The following NXPE3 variants were observed in gnomAD, a reference collection of about 807,000 sequenced individuals.
NXPE3 encodes neurexophilin and PC-esterase domain family member 3, also known as NXPE family member 3.
A neutral mutation model predicts 46.1 loss-of-function variants in NXPE3; 26 were observed. The ratio of observed to expected loss-of-function variants is 0.56; its 90% CI spans 0.41 to 0.78. NXPE3 has a LOEUF of 0.78. Ranked by LOEUF, NXPE3 falls within the 30% of genes least tolerant of loss-of-function variation. The pLI is 0.00. For missense variants in NXPE3, 620 were observed against 686.0 expected, an observed-to-expected ratio of 0.90 and a Z score of 1.07; for synonymous variants, 272 against 257.9, an observed-to-expected ratio of 1.05 and a Z score of -0.52.
At chr3:101,818,712 AATTTATATAT>A (rs1560067014) in intron 7 of NXPE3, among the ~76,000 whole-genome samples, 1 of 45,878 alleles carries the variant, frequency 2.2e-5, no homozygotes, top group African/African-American at 7.2e-5. Context: ...AATATATGAC[AATTTATATAT>A]ATATATATAT....
At chr3:101,803,460 T>C (rs777776859) in intron 5 of NXPE3, among the ~76,000 whole-genome samples, 2 of 152,230 alleles carry the variant, frequency 1.3e-5, no homozygotes, top group Non-Finnish European at 2.9e-5. Context: ...AAATTAAATT[T>C]CACAACTCCT....
intron 4 of NXPE3, among the ~76,000 whole-genome samples, chr3:101,795,387 G>A (rs563709834): frequency 1.4e-4 from 21 of 152,110 alleles, no homozygotes; most frequent in Non-Finnish European, 2.2e-4. Context: ...GCGTGGTAGC[G>A]GGTGCCTATA....
rs1057258132 is a variant in NXPE3 at position 101,825,067 on chromosome 3, A to G, written c.*3113A>G. 2.0e-5 allele frequency: 3 copies of G among 152,158 alleles called. No individual in the cohort carries two copies. Among genetic ancestry groups the G allele is most frequent in the African/African-American group, 4.8e-5 (2 of 41,434 alleles). 9.4% of individuals were successfully genotyped at this position (152,158 alleles called of 1,614,324 possible). A position where few individuals can be genotyped will look rare whatever the true frequency, so the allele number is the denominator to read the frequency against. On this transcript the variant is annotated 3_prime_UTR_variant, in exon 8 of 8. Transcript: ENST00000273347. ...TTTGTTTCATAGGTAAACTTACGTC[A>G]TGGGGGTTTGTTGTATAGATGATTT...
intron 4 of NXPE3, among the ~76,000 whole-genome samples, chr3:101,789,407 G>A (rs781412125): frequency 6.6e-6 from 1 of 152,070 alleles, no homozygotes; most frequent in Non-Finnish European, 1.5e-5. Context: ...TTAGGTGAGT[G>A]TAGTGGTGTG....
chr3:101,819,354 C>T (rs1057109360), intron 7 of NXPE3, among the ~76,000 whole-genome samples: 4 of 152,156 alleles, frequency 2.6e-5, no homozygotes, highest in African/African-American at 7.2e-5. Flanking sequence ...GCCACTGATT[C>T]CTGGGACCTT....
intron 5 of NXPE3, among the ~76,000 whole-genome samples, chr3:101,802,372 C>G (rs1444384304): frequency 6.6e-6 from 1 of 152,016 alleles, no homozygotes; most frequent in African/African-American, 2.4e-5. Context: ...AATCCCAGCA[C>G]TTTGGGAGGC....
At chr3:101,783,588 C>T (rs889231614) in intron 3 of NXPE3, among the ~76,000 whole-genome samples, 7 of 152,160 alleles carry the variant, frequency 4.6e-5, no homozygotes, top group Non-Finnish European at 8.8e-5. Context: ...GTCTCCTGCC[C>T]TTGCCTTCTT....
In NXPE3 at chr3:101,812,859, A is replaced by G. The variant is rs116655873; in HGVS notation, c.923-3936A>G. 9.3e-3 allele frequency among the ~76,000 whole-genome samples: 1,372 copies of G among 146,818 alleles called. 20 individuals are homozygous for G. The highest frequency in any genetic ancestry group is 0.033 in the African/African-American group (1,307 of 39,746). The stretch of plus-strand genomic sequence containing the variant: ...AAAAAAAAAGATATTTGGACTAGCT[A>G]CTCTCTAAGGTCCCATTCAACAGTC... On this transcript the variant is annotated intron_variant, in intron 6 of 7. Coordinates refer to ENST00000273347, the MANE Select transcript of NXPE3 (RefSeq NM_145037.4).
At chr3:101,809,531 T>C (rs1941613459) in intron 6 of NXPE3, among the ~76,000 whole-genome samples, 1 of 152,238 alleles carries the variant, frequency 6.6e-6, no homozygotes, top group Admixed American at 6.5e-5. Context: ...GTGGCAATGA[T>C]TTCTGTGGAA....
rs1942471285 is a variant in NXPE3 at position 101,825,939 on chromosome 3, A to G, written c.*3985A>G. The stretch of plus-strand genomic sequence containing the variant: ...TTCTATGCAAGTTACATTTTATAGA[A>G]TTATCCTACTAAAAGTAACCTTTCT... On this transcript the variant is annotated 3_prime_UTR_variant, in exon 8 of 8. Transcript: ENST00000273347. The G allele has an allele frequency of 6.6e-6, 1 of 152,234 alleles. No individual in the cohort carries two copies. The highest frequency in any genetic ancestry group is 2.1e-4 in the South Asian group (1 of 4,832). The allele number at this position is 152,234 out of a possible 1,614,324, so 9.4% of individuals were successfully genotyped here.
intron 5 of NXPE3, among the ~76,000 whole-genome samples, chr3:101,805,884 T>C (rs1460220559): frequency 2.6e-5 from 4 of 152,160 alleles, no homozygotes; most frequent in Admixed American, 6.5e-5. Flanking sequence ...TATTGTACAA[T>C]AATAATTATA....
At chr3:101,783,857 A>G (rs1348505496) in intron 3 of NXPE3, among the ~76,000 whole-genome samples, 2 of 152,172 alleles carry the variant, frequency 1.3e-5, no homozygotes, top group Non-Finnish European at 2.9e-5. Context: ...TTTTACAGCC[A>G]GTTTCTTCCA....
intron 7 of NXPE3, among the ~76,000 whole-genome samples, chr3:101,818,769 T>A (rs1942113659): frequency 5.2e-5 from 5 of 95,314 alleles, no homozygotes; most frequent in African/African-American, 8.0e-5. Context: ...TTTTTTTTTT[T>A]TTTTTTTTTT....
Position 101,801,681 on chromosome 3 carries a change from AGTTAAAGTATCC to A in NXPE3, c.543_554del (p.Lys182_Val185del). The A allele has an allele frequency of 1.9e-6, 3 of 1,614,202 alleles. No individual in the cohort carries two copies. The highest frequency in any genetic ancestry group is 2.5e-6 in the Non-Finnish European group (3 of 1,180,036). Reference sequence around the variant, plus strand: ...TCTTTACTTTGCTATGGCCAGGCAAAGTTAAAGTATCCGTATCTCTGGTCCACCCCAGTGAAG... The same window carrying A: ...TCTTTACTTTGCTATGGCCAGGCAAAGTATCTCTGGTCCACCCCAGTGAAG... On this transcript the variant is annotated inframe_deletion, in exon 5 of 8. Coordinates refer to ENST00000273347, the MANE Select transcript of NXPE3 (RefSeq NM_145037.4).
chr3:101,826,232 GTC>G lies in NXPE3; in HGVS notation c.*4280_*4281del, dbSNP rs1233299564. The G allele has an allele frequency of 2.0e-5, 3 of 152,110 alleles. No individual in the cohort carries two copies. The highest frequency in any genetic ancestry group is 2.0e-4 in the Admixed American group (3 of 15,272). 9.4% of individuals were successfully genotyped at this position (152,110 alleles called of 1,614,324 possible). ...TTCATGTGTTACATGCCAGAAATGA[GTC>G]TGTTTCTGGACCCTGTTCAAGGAAA... On this transcript the variant is annotated 3_prime_UTR_variant, in exon 8 of 8. Transcript: ENST00000273347.
At chr3:101,814,722 T>C (rs950629013) in intron 6 of NXPE3, among the ~76,000 whole-genome samples, 4 of 152,148 alleles carry the variant, frequency 2.6e-5, no homozygotes, top group African/African-American at 9.7e-5. Context: ...GAAAATGATA[T>C]AACCTGGTGG....
rs1942001469 is a variant in NXPE3 at position 101,816,951 on chromosome 3, G to A, written c.1079G>A (p.Gly360Asp). Residue 360 changes from glycine (G) to aspartate (D), a missense_variant, in exon 7 of 8, where the codon GGT becomes GAT. By Grantham distance (94) the Gly-to-Asp change is moderately conservative. Coordinates refer to ENST00000273347, the MANE Select transcript of NXPE3 (RefSeq NM_145037.4). ...CAAAGAAAAGTGGTGCATTTATTTG[G>A]TGACTCAACAATCAGGCAATGGTTT... is the stretch of plus-strand genomic sequence containing the variant. ...CLQRKVVHLF[G>D]DSTIRQWFEY... 1 of 1,613,992 alleles carries A rather than the reference G, an allele frequency of 6.2e-7. No homozygotes were observed. Among genetic ancestry groups the A allele is most frequent in the African/African-American group, 1.3e-5 (1 of 74,910 alleles).
Position 101,780,139 on chromosome 3 carries a change from C to T in NXPE3, c.-498+815C>T, listed in dbSNP as rs190227829. Among the ~76,000 whole-genome samples, 7 of 152,306 alleles carry T rather than the reference C, an allele frequency of 4.6e-5. No homozygotes were observed. The East Asian group carries it at 1.2e-3, about 25-fold the overall frequency. Reference sequence around the variant, plus strand: ...ATCACACTGCTTTGGTGGGCCTCCCCGCTCCTCACTGTGGTTAATTATCAT... The same window carrying T: ...ATCACACTGCTTTGGTGGGCCTCCCTGCTCCTCACTGTGGTTAATTATCAT... On this transcript the variant is annotated intron_variant, in intron 1 of 7. Transcript: ENST00000273347.
intron 4 of NXPE3, among the ~76,000 whole-genome samples, chr3:101,795,619 A>G (rs1940787864): frequency 6.6e-6 from 1 of 151,766 alleles, no homozygotes; most frequent in African/African-American, 2.4e-5. Flanking sequence ...TCTCCGATAA[A>G]CTCTCATTGA....
Sources: gnomAD v4.1 joint callset for allele counts (sites outside exome capture counted in the v4.1 genomes callset) on GRCh38, gnomAD v4.1.1 for gene constraint, MANE v1.5 for transcripts, NCBI Gene and HGNC (gene_info 2026-07-23, HGNC 2026-07-21) for gene names.